Variants in ATRX observed in about 807,000 individuals in gnomAD.
The protein encoded by ATRX is chromatin remodeler ATRX.
Under a neutral mutation model 172.6 loss-of-function variants are expected in ATRX, and 12 were observed. That is an observed-to-expected ratio of 0.07 (90% CI 0.04 to 0.11). ATRX has a LOEUF of 0.11. Among genes scored for constraint, ATRX ranks in the 10% least tolerant of loss-of-function variants. ATRX has a pLI of 1.00. For missense variants in ATRX, 1,368 were observed against 1,767.4 expected (o/e 0.77, Z 4.05); for synonymous variants, 674 against 594.7 (o/e 1.13, Z -1.94).
At chrX:77,767,034 A>C (rs1314689959) in intron 1 of ATRX, among the ~76,000 whole-genome samples, 6 of 112,707 alleles carry the variant, frequency 5.3e-5, no homozygotes, top group Admixed American at 9.3e-5. Context: ...CCCGGCCAAC[A>C]CAGCGAAACC....
chrX:77,577,048 T>C (rs2148031153), intron 27 of ATRX, among the ~76,000 whole-genome samples: 1 of 112,082 alleles, frequency 8.9e-6, no homozygotes, highest in African/African-American at 3.2e-5. Flanking sequence ...TTCCATGATT[T>C]GGTCATGAAT....
chrX:77,719,289 A>C (rs2073617099), intron 1 of ATRX, among the ~76,000 whole-genome samples: 2 of 111,485 alleles, frequency 1.8e-5, no homozygotes, highest in Admixed American at 1.9e-4. Flanking sequence ...TGGGGAAAAG[A>C]CTTAGATATA....
intron 1 of ATRX, among the ~76,000 whole-genome samples, chrX:77,777,669 CA>C (rs1436162082): frequency 9.0e-6 from 1 of 111,239 alleles, no homozygotes; most frequent in Admixed American, 9.6e-5. Context: ...AGCAAAATAA[CA>C]AATCCAGTAT....
chrX:77,607,910 G>T (rs1179773779), intron 22 of ATRX, among the ~76,000 whole-genome samples: 1 of 109,895 alleles, frequency 9.1e-6, no homozygotes, highest in Non-Finnish European at 1.9e-5. Context: ...AAATACCAAT[G>T]ATATTCTTCA....
chrX:77,712,470 T>C (rs1425274844), intron 2 of ATRX, among the ~76,000 whole-genome samples: 1 of 112,377 alleles, frequency 8.9e-6, no homozygotes, highest in African/African-American at 3.2e-5. Context: ...TTTAATGCGA[T>C]GATATGGTTA....
intron 15 of ATRX, among the ~76,000 whole-genome samples, chrX:77,646,473 A>G (rs1557113719): frequency 8.9e-6 from 1 of 112,168 alleles, no homozygotes; most frequent in African/African-American, 3.2e-5. Context: ...AAAGCACTGA[A>G]AGAACTAAAA....
chrX:77,654,035 G>A, intron 14 of ATRX, 63 bp downstream of exon 14: 1 of 929,863 alleles, frequency 1.1e-6, no homozygotes, highest in Non-Finnish European at 1.6e-6. Flanking sequence ...AGAGGTAACA[G>A]CATAATTACC....
chrX:77,646,369 T>C (rs781998216), intron 15 of ATRX, among the ~76,000 whole-genome samples: 14 of 110,851 alleles, frequency 1.3e-4, no homozygotes, highest in South Asian at 3.8e-4. Context: ...AAGAGACAAA[T>C]AGGATATTAT....
rs1557142722 is a variant in ATRX, at chrX:77,684,432, T to C, written c.824A>G (p.Asp275Gly). The C allele has an allele frequency of 1.7e-6, 2 of 1,210,321 alleles. No individual in the cohort carries two copies. The highest frequency in any genetic ancestry group is 5.9e-5 in the East Asian group (2 of 33,806). ...CYICHPEPLLDLVTACNSVFE... is the reference protein window; with the variant it reads ...CYICHPEPLLGLVTACNSVFE... ...TACGCTGTTACATGCAGTGACCAAGTCCAACAAAGGCTCTGGGTGACAAAT... is the reference window on the plus strand; with the variant it reads ...TACGCTGTTACATGCAGTGACCAAGCCCAACAAAGGCTCTGGGTGACAAAT... Residue 275 changes from aspartate (D) to glycine (G), a missense_variant, in exon 9 of 35, where the codon GAC becomes GGC. Around this residue, in one of 17 missense-constraint regions of ATRX, gnomAD observed 17 missense variants for 30.3 expected, o/e 0.56. Transcript: ENST00000373344.
intron 2 of ATRX, among the ~76,000 whole-genome samples, chrX:77,716,159 C>A (rs1603266552): frequency 1.3e-5 from 1 of 76,882 alleles, no homozygotes; most frequent in Admixed American, 1.6e-4. Context: ...ATTAACCAGG[C>A]ATGGTGGCAC....
At chrX:77,739,996 T>A (rs975674984) in intron 1 of ATRX, among the ~76,000 whole-genome samples, 1 of 91,220 alleles carries the variant, frequency 1.1e-5, no homozygotes, top group Non-Finnish European at 2.1e-5. Flanking sequence ...GAGGTTTTAG[T>A]GAGCCGAGAT....
chrX:77,780,018 T>G (rs782331150), intron 1 of ATRX, among the ~76,000 whole-genome samples: 2 of 111,943 alleles, frequency 1.8e-5, no homozygotes, highest in Non-Finnish European at 3.8e-5. Context: ...TCTTCAATCA[T>G]AAAAGGGCAG....
chrX:77,740,542 C>T (rs1022328216), intron 1 of ATRX, among the ~76,000 whole-genome samples: 9 of 110,475 alleles, frequency 8.1e-5, no homozygotes, highest in Admixed American at 2.9e-4. Flanking sequence ...AGAGGAAAGA[C>T]AATTAGAAAA....
At chrX:77,535,216 A>G (rs2063709602) in intron 30 of ATRX, among the ~76,000 whole-genome samples, 2 of 112,012 alleles carry the variant, frequency 1.8e-5, no homozygotes, top group African/African-American at 6.5e-5. Flanking sequence ...CTTGTATCAG[A>G]TTTTTTGGTC....
At chrX:77,684,617 C>T (rs781936527) in intron 8 of ATRX, 24 bp from the exon 9 acceptor site, 1 of 1,172,509 alleles carries the variant, frequency 8.5e-7, no homozygotes, top group Non-Finnish European at 1.2e-6. Context: ...AAGATTAAAA[C>T]ATTATTCCCT....
rs375224408 is a variant in ATRX, at chrX:77,546,497, A to AT, written c.6699+10953dup. On this transcript the variant is annotated intron_variant, in intron 30 of 34. Transcript: ENST00000373344. ...GTCTTAGATGAAGCCAGGAATCTGCATTTTTTTTTTTTTGAGACAGGGTCT... is the reference window on the plus strand; with the variant it reads ...GTCTTAGATGAAGCCAGGAATCTGCATTTTTTTTTTTTTTGAGACAGGGTCT... 7.5e-3 allele frequency among the ~76,000 whole-genome samples: 771 copies of AT among 103,328 alleles called. 2 individuals carry two copies. The highest frequency in any genetic ancestry group is 0.025 in the Middle Eastern group (5 of 203). 89.7% of individuals were successfully genotyped at this position (103,328 alleles called of 115,157 possible). A position where few individuals can be genotyped will look rare whatever the true frequency, so the allele number is the denominator to read the frequency against.
At chrX:77,590,009 A>T in intron 26 of ATRX, 69 bp from the exon 27 acceptor site, 1 of 908,885 alleles carries the variant, frequency 1.1e-6, no homozygotes. Flanking sequence ...TCCTAAATCG[A>T]TCTACAAATT....
intron 29 of ATRX, 142 bp downstream of exon 29, chrX:77,558,527 A>C (rs1191145476): frequency 5.7e-6 from 3 of 527,284 alleles, no homozygotes; most frequent in East Asian, 3.6e-5. Flanking sequence ...AGAAAAGCCA[A>C]AACTGACTTC....
At chrX:77,600,361 T>C in intron 23 of ATRX, 73 bp downstream of exon 23, 2 of 1,132,880 alleles carry the variant, frequency 1.8e-6, no homozygotes, top group Middle Eastern at 4.8e-4. Flanking sequence ...GAATATACAG[T>C]CTGTAGGTCA....
Sources: gnomAD v4.1 joint callset for allele counts (sites outside exome capture counted in the v4.1 genomes callset) on GRCh38, gnomAD v4.1.1 for gene constraint, gnomAD v4.1.1 regional missense constraint, MANE v1.5 for transcripts, NCBI Gene and HGNC (gene_info 2026-07-23, HGNC 2026-07-21) for gene names.